The following RAB6B variants were observed in gnomAD, a reference collection of about 807,000 sequenced individuals.
RAB6B encodes the protein RAB6B, member RAS oncogene family.
Under a neutral mutation model 31.2 loss-of-function variants are expected in RAB6B, and 7 were observed. That is an observed-to-expected ratio of 0.22 (90% CI 0.13 to 0.42). The LOEUF is 0.42. Ranked by LOEUF, RAB6B falls within the 10% of genes least tolerant of loss-of-function variation. The probability of loss-of-function intolerance (pLI) is 1.00; values close to 1 mark genes in which losing one functional copy is unlikely to be tolerated. For synonymous variants in RAB6B, 105 were observed against 104.9 expected (o/e 1.00, Z -0.01); for missense variants, 149 against 280.6 (o/e 0.53, Z 3.35).
chr3:133,861,598 C>T (rs1936162263), intron 2 of RAB6B, among the ~76,000 whole-genome samples: 1 of 152,226 alleles, frequency 6.6e-6, no homozygotes, highest in African/African-American at 2.4e-5. Flanking sequence ...TAAACGCCCC[C>T]TCCCTGTCCT....
chr3:133,863,810 CT>C (rs1348005490), intron 2 of RAB6B, among the ~76,000 whole-genome samples: 4 of 152,140 alleles, frequency 2.6e-5, no homozygotes, highest in African/African-American at 9.7e-5. Flanking sequence ...AAAACAGCAC[CT>C]TTTTTCTTTA....
intron 4 of RAB6B, among the ~76,000 whole-genome samples, chr3:133,839,894 C>T (rs992558737): frequency 6.6e-6 from 1 of 152,174 alleles, no homozygotes; most frequent in Non-Finnish European, 1.5e-5. Context: ...CATGATTTGC[C>T]ACATGGAATA....
At position 133,859,847 on chromosome 3, in the gene RAB6B, A is replaced by G. The variant is rs930566497; in HGVS notation, c.129+4737T>C. ...AGCCAGATAAGTGGCCTGCAGACAC[A>G]ATGGCCAGGCCCCAGGAAACACTCA... On this transcript the variant is annotated intron_variant, in intron 2 of 7. Coordinates refer to ENST00000285208, the MANE Select transcript of RAB6B (RefSeq NM_016577.4). Among the ~76,000 whole-genome samples the G allele has an allele frequency of 1.1e-4, 16 of 152,338 alleles. No individual in the cohort carries two copies. The East Asian group carries it at 2.9e-3, about 28-fold the overall frequency.
At chr3:133,885,621 G>A (rs1007517439) in intron 1 of RAB6B, 7 of 702,970 alleles carry the variant, frequency 1.0e-5, no homozygotes, top group Non-Finnish European at 1.8e-5. Context: ...CAGCAGTCCC[G>A]CAGAACACCC....
intron 5 of RAB6B, 89 bp downstream of exon 5, chr3:133,839,417 A>G (rs1045831650): frequency 7.0e-6 from 8 of 1,150,288 alleles, no homozygotes; most frequent in Admixed American, 6.9e-5. Flanking sequence ...GCACAGACAC[A>G]CCACCCATGC....
chr3:133,877,215 T>C (rs1430973702), intron 1 of RAB6B, among the ~76,000 whole-genome samples: 1 of 152,058 alleles, frequency 6.6e-6, no homozygotes, highest in Non-Finnish European at 1.5e-5. Flanking sequence ...GTTCAGAAGA[T>C]GGAATACCAG....
chr3:133,875,412 G>A (rs962599227), intron 1 of RAB6B, among the ~76,000 whole-genome samples: 1 of 152,138 alleles, frequency 6.6e-6, no homozygotes, highest in African/African-American at 2.4e-5. Flanking sequence ...GGTTACCAGG[G>A]GTCAGAGGTG....
At chr3:133,855,427 C>T (rs996548540) in intron 2 of RAB6B, among the ~76,000 whole-genome samples, 9 of 152,234 alleles carry the variant, frequency 5.9e-5, no homozygotes, top group Admixed American at 1.3e-4. Flanking sequence ...TTAGTCACCA[C>T]CCAATTTAAA....
chr3:133,861,147 G>A (rs2108001812), intron 2 of RAB6B, among the ~76,000 whole-genome samples: 1 of 152,346 alleles, frequency 6.6e-6, no homozygotes, highest in East Asian at 1.9e-4. Context: ...CCCAAAGACA[G>A]CCAAGTCTCA....
rs776688285 is a variant in RAB6B, at chr3:133,895,479, C to T, written c.-13G>A. 3 of 1,610,782 alleles carry T rather than the reference C, an allele frequency of 1.9e-6. No individual in the cohort carries two copies. Among genetic ancestry groups the T allele is most frequent in the South Asian group, 1.1e-5 (1 of 90,364 alleles). On this transcript the variant is annotated 5_prime_UTR_variant, in exon 1 of 8. Transcript: ENST00000285208. Reference sequence around the variant, plus strand: ...CCCCTGCGGACATGGTGCTGGCAGCCGGGGCCGGGAGAGGAGGAGGAGGAA... The same window carrying T: ...CCCCTGCGGACATGGTGCTGGCAGCTGGGGCCGGGAGAGGAGGAGGAGGAA...
intron 1 of RAB6B, among the ~76,000 whole-genome samples, chr3:133,868,535 A>G (rs1936273938): frequency 6.6e-6 from 1 of 152,224 alleles, no homozygotes; most frequent in Non-Finnish European, 1.5e-5. Context: ...CTCGGACACC[A>G]CTGCAGCAAA....
At chr3:133,884,777 C>A (rs1038604761) in intron 1 of RAB6B, among the ~76,000 whole-genome samples, 10 of 151,574 alleles carry the variant, frequency 6.6e-5, no homozygotes, top group Non-Finnish European at 1.2e-4. Flanking sequence ...GCCCAAAGGA[C>A]AGGGGGCCCC....
chr3:133,860,455 C>T (rs1270930506), intron 2 of RAB6B, among the ~76,000 whole-genome samples: 1 of 152,192 alleles, frequency 6.6e-6, no homozygotes. Context: ...CAAGGCCCTC[C>T]ATGCCTTGAT....
rs1168426403 is a variant in RAB6B, at chr3:133,895,644, G to A, written c.-178C>T. The A allele has an allele frequency of 1.1e-5, 7 of 622,444 alleles. No individual in the cohort carries two copies. The East Asian group carries it at 1.2e-4, about 10-fold the overall frequency. The allele number at this position is 622,444 out of a possible 1,614,324, so 38.6% of individuals were successfully genotyped here. On this transcript the variant is annotated 5_prime_UTR_variant, in exon 1 of 8. Coordinates refer to ENST00000285208, the MANE Select transcript of RAB6B (RefSeq NM_016577.4). ...GGTCCCGGCCTGCGGCTGCGTGTCCGGCGGCGGAGGAGGAGGAGGAGAGAG... is the reference window on the plus strand; with the variant it reads ...GGTCCCGGCCTGCGGCTGCGTGTCCAGCGGCGGAGGAGGAGGAGGAGAGAG...
intron 1 of RAB6B, chr3:133,885,720 C>T (rs1559914401): frequency 7.5e-6 from 5 of 667,100 alleles, no homozygotes; most frequent in East Asian, 2.7e-5. Flanking sequence ...GGTCCATCTG[C>T]GTACAGTGTG....
At chr3:133,863,948 C>G (rs1936197830) in intron 2 of RAB6B, among the ~76,000 whole-genome samples, 1 of 152,192 alleles carries the variant, frequency 6.6e-6, no homozygotes. Context: ...TATTAACCCC[C>G]AAGAACTTGG....
intron 2 of RAB6B, among the ~76,000 whole-genome samples, chr3:133,851,502 C>T (rs1935984238): frequency 6.6e-6 from 1 of 152,048 alleles, no homozygotes; most frequent in Non-Finnish European, 1.5e-5. Context: ...GCAAGGGAGA[C>T]AAAACGGAAC....
intron 1 of RAB6B, among the ~76,000 whole-genome samples, chr3:133,889,379 GT>G (rs1936597711): frequency 9.7e-6 from 1 of 103,618 alleles, no homozygotes; most frequent in Non-Finnish European, 1.9e-5. Context: ...GGACAATAAG[GT>G]TATTTTGTTA....
intron 7 of RAB6B, among the ~76,000 whole-genome samples, chr3:133,833,903 G>A (rs1447491928): frequency 6.6e-6 from 1 of 152,226 alleles, no homozygotes; most frequent in African/African-American, 2.4e-5. Context: ...TGCCCTTAGA[G>A]GGACAGTGTC....
Sources: gnomAD v4.1 joint callset for allele counts (sites outside exome capture counted in the v4.1 genomes callset) on GRCh38, gnomAD v4.1.1 for gene constraint, MANE v1.5 for transcripts, NCBI Gene and HGNC (gene_info 2026-07-23, HGNC 2026-07-21) for gene names.